Variants in ALPK2 observed in about 807,000 individuals in gnomAD.
The protein encoded by ALPK2 is alpha kinase 2.
A neutral mutation model predicts 163.1 loss-of-function variants in ALPK2; 127 were observed. That is an observed-to-expected ratio of 0.78 (90% CI 0.67 to 0.90). The LOEUF is 0.90. Among genes scored for constraint, ALPK2 ranks in the 40% least tolerant of loss-of-function variants. The pLI, the probability that ALPK2 is intolerant of heterozygous loss-of-function variation, is 0.00. For synonymous variants in ALPK2, 953 were observed against 959.1 expected, an observed-to-expected ratio of 0.99 and a Z score of 0.12; for missense variants, 2,360 against 2,589.6, an observed-to-expected ratio of 0.91 and a Z score of 1.92.
chr18:58,523,836 T>G lies in ALPK2; in HGVS notation c.5635A>C (p.Lys1879Gln). The change falls in exon 8 of 13, where the codon AAA (lysine) becomes CAA (glutamine). Residue 1879 changes from lysine (K) to glutamine (Q), a missense_variant. Lys to Gln is a moderately conservative substitution (Grantham distance 53, BLOSUM62 1). Coordinates refer to ENST00000361673, the MANE Select transcript of ALPK2 (RefSeq NM_052947.4). ...AEFNLTAEVLKQLSSRQDTKG... is the reference protein window; with the variant it reads ...AEFNLTAEVLQQLSSRQDTKG... ...GTATCCTGGCGACTTGACAGCTGTTTGAGAACTAGAAGAAGACAAAGCAGA... is the reference window on the plus strand; with the variant it reads ...GTATCCTGGCGACTTGACAGCTGTTGGAGAACTAGAAGAAGACAAAGCAGA... The G allele has an allele frequency of 6.2e-7, 1 of 1,614,204 alleles. No individual in the cohort carries two copies. Among genetic ancestry groups the G allele is most frequent in the Non-Finnish European group, 8.5e-7 (1 of 1,180,018 alleles).
Position 58,535,299 on chromosome 18 carries a change from G to T in ALPK2, c.4888C>A (p.Pro1630Thr). The stretch of plus-strand genomic sequence containing the variant: ...CCAATTTGAAGCACCTCTATTTTAG[G>T]TTCCTCCATTTTGTGGCTTATCAAA... Reference protein sequence around the residue: ...DFLISHKMEEPKIEVLQIGET... With the variant: ...DFLISHKMEETKIEVLQIGET... Residue 1630 changes from proline to threonine, a missense_variant, in exon 5 of 13, where the codon CCT (proline) becomes ACT (threonine). Pro to Thr is a conservative substitution (Grantham distance 38). Transcript: ENST00000361673. 6.2e-7 allele frequency: 1 copy of T among 1,614,112 alleles called. No homozygotes were observed. Among genetic ancestry groups the T allele is most frequent in the African/African-American group, 1.3e-5 (1 of 75,010 alleles).
In ALPK2 at chr18:58,538,178, A is replaced by G; in HGVS notation, c.2009T>C (p.Met670Thr). The part of the protein sequence containing the change: ...TVRETISCSQ[M>T]PAFSEPAGEE... ...CCCAGCAGGCTCTGAGAAAGCTGGCATCTGGCTGCAAGAGATTGTCTCTCT... is the reference window on the plus strand; with the variant it reads ...CCCAGCAGGCTCTGAGAAAGCTGGCGTCTGGCTGCAAGAGATTGTCTCTCT... Residue 670 changes from methionine (M) to threonine (T), a missense_variant, in exon 5 of 13, where the codon ATG (methionine) becomes ACG (threonine). By Grantham distance (81) the Met-to-Thr change is moderately conservative. Coordinates refer to ENST00000361673, the MANE Select transcript of ALPK2 (RefSeq NM_052947.4). The G allele has an allele frequency of 6.2e-7, 1 of 1,613,256 alleles. No individual in the cohort carries two copies. Among genetic ancestry groups the G allele is most frequent in the Non-Finnish European group, 8.5e-7 (1 of 1,180,022 alleles).
chr18:58,603,504 C>T (rs1293137512), intron 3 of ALPK2, among the ~76,000 whole-genome samples: 2 of 152,204 alleles, frequency 1.3e-5, no homozygotes, highest in Non-Finnish European at 2.9e-5. Context: ...CAGGCAGGAG[C>T]GGAGCTTTGC....
intron 4 of ALPK2, among the ~76,000 whole-genome samples, chr18:58,572,783 T>C (rs757289587): frequency 2.6e-5 from 4 of 152,216 alleles, no homozygotes; most frequent in Admixed American, 1.3e-4. Context: ...AATGGAATTG[T>C]TCCGTATCTT....
rs144649583 is a variant in ALPK2 at position 58,543,186 on chromosome 18, G to T, written c.1963-4962C>A. ...ATGCCCTGCTCTGCCTTGGGACTCTGCAGAGAGTCCCCAGCAGCAATAAGG... is the reference window on the plus strand; with the variant it reads ...ATGCCCTGCTCTGCCTTGGGACTCTTCAGAGAGTCCCCAGCAGCAATAAGG... On this transcript the variant is annotated intron_variant, in intron 4 of 12. Coordinates refer to ENST00000361673, the MANE Select transcript of ALPK2 (RefSeq NM_052947.4). Among the ~76,000 whole-genome samples the T allele has an allele frequency of 5.3e-5, 8 of 152,314 alleles. No individual in the cohort carries two copies. The East Asian group carries it at 1.5e-3, about 29-fold the overall frequency.
intron 11 of ALPK2, among the ~76,000 whole-genome samples, chr18:58,498,597 C>T (rs1602186959): frequency 6.6e-6 from 1 of 152,220 alleles, no homozygotes; most frequent in East Asian, 1.9e-4. Context: ...ACCCAAATCT[C>T]ATCTTGAATG....
intron 4 of ALPK2, among the ~76,000 whole-genome samples, chr18:58,569,167 C>T (rs1055017843): frequency 9.2e-5 from 14 of 152,152 alleles, no homozygotes; most frequent in Non-Finnish European, 1.9e-4. Context: ...AACCAGGCCA[C>T]TGCACTCCAA....
rs202105506 is a variant in ALPK2, at chr18:58,579,766, G to A, written c.1010C>T (p.Thr337Met). Residue 337 changes from threonine (T) to methionine (M), a missense_variant, in exon 4 of 13, where the codon ACG becomes ATG. By Grantham distance (81) the Thr-to-Met change is moderately conservative (BLOSUM62 -1). Coordinates refer to ENST00000361673, the MANE Select transcript of ALPK2 (RefSeq NM_052947.4). The stretch of plus-strand genomic sequence containing the variant: ...TTGCCAAACTGCATTAGAGTAATCC[G>A]TCATAACATCAGAACATTCCAGATA... The part of the protein sequence containing the change: ...LEYLECSDVM[T>M]DYSNAVWQRN... The A allele has an allele frequency of 1.3e-4, 215 of 1,614,012 alleles. 1 individual carries two copies. Among genetic ancestry groups the A allele is most frequent in the Middle Eastern group, 1.2e-3 (7 of 6,084 alleles).
chr18:58,549,397 G>A (rs764598368), intron 4 of ALPK2, among the ~76,000 whole-genome samples: 2 of 152,178 alleles, frequency 1.3e-5, no homozygotes, highest in Admixed American at 1.3e-4. Context: ...TGGATCCATC[G>A]AAACAAACTT....
At chr18:58,525,437 A>T (rs2051579295) in intron 6 of ALPK2, among the ~76,000 whole-genome samples, 1 of 152,164 alleles carries the variant, frequency 6.6e-6, no homozygotes, top group African/African-American at 2.4e-5. Context: ...CCTTTCTGTC[A>T]TTGAAAGGGG....
intron 11 of ALPK2, among the ~76,000 whole-genome samples, chr18:58,499,542 C>T (rs990233180): frequency 1.3e-5 from 2 of 152,236 alleles, no homozygotes; most frequent in Non-Finnish European, 2.9e-5. Flanking sequence ...CCTGACCACG[C>T]ACCAATTCCA....
Position 58,537,050 on chromosome 18 carries a change from T to C in ALPK2, c.3137A>G (p.Glu1046Gly), listed in dbSNP as rs2051653860. Residue 1046 changes from glutamate (E) to glycine (G), a missense_variant, in exon 5 of 13, where the codon GAA becomes GGA. Transcript: ENST00000361673. ...TTGGGAAGGAAATTGGGAAACCTTTTCATGGGATGCACGAGGGAACCTCTC... is the reference window on the plus strand; with the variant it reads ...TTGGGAAGGAAATTGGGAAACCTTTCCATGGGATGCACGAGGGAACCTCTC... Reference protein sequence around the residue: ...TEERFPRASHEKVSQFPSQVQ... With the variant: ...TEERFPRASHGKVSQFPSQVQ... 1 of 1,613,948 alleles carries C rather than the reference T, an allele frequency of 6.2e-7. No individual in the cohort carries two copies. Among genetic ancestry groups the C allele is most frequent in the Non-Finnish European group, 8.5e-7 (1 of 1,179,788 alleles).
At chr18:58,513,169 T>A (rs2051503309) in intron 10 of ALPK2, among the ~76,000 whole-genome samples, 2 of 151,204 alleles carry the variant, frequency 1.3e-5, no homozygotes, top group South Asian at 4.2e-4. Flanking sequence ...TGGGGGTGTG[T>A]GTGGGGTGTG....
chr18:58,513,455 T>C (rs2051505024), intron 10 of ALPK2, among the ~76,000 whole-genome samples: 1 of 152,216 alleles, frequency 6.6e-6, no homozygotes, highest in Admixed American at 6.5e-5. Context: ...AACCTATCTT[T>C]AAGGCAGTGG....
At chr18:58,610,355 T>C (rs1195275662) in intron 2 of ALPK2, among the ~76,000 whole-genome samples, 2 of 150,684 alleles carry the variant, frequency 1.3e-5, no homozygotes, top group African/African-American at 2.4e-5. Context: ...GGCACCTTCA[T>C]GTTTTCAAGG....
chr18:58,522,746 A>G (rs912481905), intron 8 of ALPK2, among the ~76,000 whole-genome samples: 1 of 152,116 alleles, frequency 6.6e-6, no homozygotes, highest in African/African-American at 2.4e-5. Context: ...CCGATGCTTA[A>G]AGGGAAAAGT....
At chr18:58,612,732 T>G (rs1041741102) in intron 1 of ALPK2, among the ~76,000 whole-genome samples, 10 of 152,220 alleles carry the variant, frequency 6.6e-5, no homozygotes, top group Non-Finnish European at 1.5e-4. Flanking sequence ...GAGAACCCTT[T>G]CCTTTCCACG....
chr18:58,494,703 C>T (rs2051392759), intron 12 of ALPK2, among the ~76,000 whole-genome samples: 1 of 152,172 alleles, frequency 6.6e-6, no homozygotes, highest in Non-Finnish European at 1.5e-5. Context: ...TAAGCTCACT[C>T]ACAGTTGCTT....
chr18:58,618,820 C>G (rs2144239504), intron 1 of ALPK2, among the ~76,000 whole-genome samples: 1 of 152,254 alleles, frequency 6.6e-6, no homozygotes, highest in South Asian at 2.1e-4. Flanking sequence ...CCCCTACCCT[C>G]AATAGTCAGC....
Sources: gnomAD v4.1 joint callset for allele counts (sites outside exome capture counted in the v4.1 genomes callset) on GRCh38, gnomAD v4.1.1 for gene constraint, MANE v1.5 for transcripts, NCBI Gene and HGNC (gene_info 2026-07-23, HGNC 2026-07-21) for gene names.